Variants in DAGLB observed in about 807,000 individuals in gnomAD.
DAGLB encodes the protein diacylglycerol lipase beta, also known as diacylglycerol lipase-beta.
DAGLB carries 66 observed loss-of-function variants against 72.1 expected under a neutral mutation model. The ratio of observed to expected loss-of-function variants is 0.92; its 90% CI spans 0.75 to 1.12. The LOEUF (loss-of-function observed/expected upper bound fraction) is 1.12, where lower values mean the gene tolerates loss of function less well. Among genes scored for constraint, DAGLB ranks in the 50% most tolerant of loss-of-function variants. The probability of loss-of-function intolerance (pLI) is 0.00; values close to 1 mark genes in which losing one functional copy is unlikely to be tolerated. For missense variants in DAGLB, 1,065 were observed against 884.9 expected, an observed-to-expected ratio of 1.20 and a Z score of -2.58; for synonymous variants, 414 against 359.5, an observed-to-expected ratio of 1.15 and a Z score of -1.71.
intron 13 of DAGLB, 57 bp from the exon 14 acceptor site, chr7:6,410,437 C>T: frequency 6.5e-7 from 1 of 1,541,710 alleles, no homozygotes; most frequent in Non-Finnish European, 8.8e-7. Context: ...CACCCGAGAC[C>T]TCCCGAAACA....
At chr7:6,411,688 T>G (rs527759436) in intron 13 of DAGLB, among the ~76,000 whole-genome samples, 45 of 152,182 alleles carry the variant, frequency 3.0e-4, no homozygotes, top group African/African-American at 1.0e-3. Flanking sequence ...TTCTTTCTGA[T>G]TAGGAACAAA....
intron 9 of DAGLB, among the ~76,000 whole-genome samples, chr7:6,419,875 C>G (rs970961105): frequency 6.6e-6 from 1 of 152,148 alleles, no homozygotes; most frequent in Non-Finnish European, 1.5e-5. Context: ...GGCGTGGTGG[C>G]TCACGCCTGC....
chr7:6,423,003 C>A (rs528547655), intron 8 of DAGLB, among the ~76,000 whole-genome samples: 1 of 152,182 alleles, frequency 6.6e-6, no homozygotes, highest in Non-Finnish European at 1.5e-5. Context: ...GTGGACAGGA[C>A]AATGGACAGA....
At chr7:6,410,635 A>G (rs1020275792) in intron 13 of DAGLB, among the ~76,000 whole-genome samples, 3 of 152,190 alleles carry the variant, frequency 2.0e-5, no homozygotes, top group Non-Finnish European at 4.4e-5. Flanking sequence ...ACGTGGAGCA[A>G]TATTAAAAAC....
Position 6,446,076 on chromosome 7 carries a change from T to A in DAGLB, c.124A>T (p.Met42Leu), listed in dbSNP as rs775983676. Residue 42 changes from methionine (M) to leucine (L), a missense_variant, in exon 2 of 15, where the codon ATG (methionine) becomes TTG (leucine). By Grantham distance (15) the Met-to-Leu change is conservative. Transcript: ENST00000297056. ...WWIGILTLYLMHRGKLDCAGG... is the reference protein window; with the variant it reads ...WWIGILTLYLLHRGKLDCAGG... ...GCACAGTCCAGCTTTCCTCTGTGCA[T>A]GAGATACAACGTCAGAATGCCAATC... 6.3e-7 allele frequency: 1 copy of A among 1,599,538 alleles called. No individual in the cohort carries two copies. The highest frequency in any genetic ancestry group is 8.5e-7 in the Non-Finnish European group (1 of 1,175,740).
chr7:6,432,886 T>C lies in DAGLB; in HGVS notation c.752A>G (p.Asn251Ser). The C allele has an allele frequency of 3.1e-6, 5 of 1,613,982 alleles. No individual in the cohort carries two copies. The highest frequency in any genetic ancestry group is 4.2e-6 in the Non-Finnish European group (5 of 1,180,026). ...LLHQQQDNIR[N>S]NQEPAQVVCH... ...GACCACCTGGGCAGGCTCTTGGTTG[T>C]TCCTGATATTGTCCTGTTGCTGATG... Residue 251 changes from asparagine (N) to serine (S), a missense_variant, in exon 5 of 15, where the codon AAC becomes AGC. By Grantham distance (46) the Asn-to-Ser change is conservative. Transcript: ENST00000297056.
At chr7:6,418,006 G>T (rs1023097222) in intron 9 of DAGLB, among the ~76,000 whole-genome samples, 1 of 151,966 alleles carries the variant, frequency 6.6e-6, no homozygotes, top group Non-Finnish European at 1.5e-5. Flanking sequence ...GAGTAACTGG[G>T]ATTACAGGCA....
intron 3 of DAGLB, 135 bp from the exon 4 acceptor site, chr7:6,435,155 T>C: frequency 7.6e-7 from 1 of 1,324,174 alleles, no homozygotes; most frequent in Non-Finnish European, 1.0e-6. Context: ...GATGCAGCTC[T>C]CCTGGAACCT....
intron 2 of DAGLB, among the ~76,000 whole-genome samples, chr7:6,443,261 A>G (rs1352002374): frequency 6.7e-6 from 1 of 150,070 alleles, no homozygotes; most frequent in East Asian, 1.9e-4. Context: ...AAAAAAAAAA[A>G]AAAAAAAAAA....
intron 2 of DAGLB, among the ~76,000 whole-genome samples, chr7:6,442,630 T>G (rs1784869163): frequency 6.6e-6 from 1 of 152,208 alleles, no homozygotes; most frequent in Admixed American, 6.6e-5. Context: ...GAAGCCACAC[T>G]GTACACATGG....
intron 2 of DAGLB, among the ~76,000 whole-genome samples, chr7:6,439,701 A>G (rs958021760): frequency 6.6e-6 from 1 of 152,168 alleles, no homozygotes; most frequent in Admixed American, 6.6e-5. Context: ...ACCATCTCCA[A>G]TCAAACCTCC....
At chr7:6,419,751 C>T (rs1318904206) in intron 9 of DAGLB, among the ~76,000 whole-genome samples, 1 of 152,196 alleles carries the variant, frequency 6.6e-6, no homozygotes, top group Non-Finnish European at 1.5e-5. Flanking sequence ...TGGCCCCTGA[C>T]GGGTTTCTGG....
At chr7:6,413,853 C>T (rs564117525) in intron 11 of DAGLB, among the ~76,000 whole-genome samples, 92 of 152,208 alleles carry the variant, frequency 6.0e-4, no homozygotes, top group Non-Finnish European at 1.2e-3. Flanking sequence ...TCAGGACATG[C>T]GGTGAAAGTG....
rs749711559 is a variant in DAGLB at position 6,438,645 on chromosome 7, G to A, written c.248-2112C>T. Among the ~76,000 whole-genome samples, 11 of 152,148 alleles carry A rather than the reference G, an allele frequency of 7.2e-5. 1 individual carries two copies. The highest frequency in any genetic ancestry group is 1.3e-4 in the Non-Finnish European group (9 of 68,028). On this transcript the variant is annotated intron_variant, in intron 2 of 14. Transcript: ENST00000297056. ...CCTAATGTCAGCAGCACCTGGACTT[G>A]AAACTCCAACTGTGATGACAACTGC...
intron 2 of DAGLB, among the ~76,000 whole-genome samples, chr7:6,441,555 C>CT (rs1349093572): frequency 6.6e-6 from 1 of 150,598 alleles, no homozygotes; most frequent in Non-Finnish European, 1.5e-5. Context: ...GTAGGTGTGA[C>CT]TACAGGGGCC....
chr7:6,429,122 T>C (rs10259968), intron 6 of DAGLB, among the ~76,000 whole-genome samples: 1 of 152,024 alleles, frequency 6.6e-6, no homozygotes, highest in Non-Finnish European at 1.5e-5. Flanking sequence ...GATATTTAAA[T>C]GGTCTCAAGG....
intron 1 of DAGLB, 150 bp from the exon 2 acceptor site, chr7:6,446,254 G>C (rs1784996255): frequency 3.3e-6 from 2 of 611,028 alleles, no homozygotes; most frequent in Non-Finnish European, 5.0e-6. Context: ...GGATCACAAG[G>C]TCAGGAGATC....
At chr7:6,414,380 T>G (rs1219890933) in intron 11 of DAGLB, among the ~76,000 whole-genome samples, 2 of 151,146 alleles carry the variant, frequency 1.3e-5, no homozygotes, top group African/African-American at 4.9e-5. Flanking sequence ...TGGCACGATC[T>G]CGGCTCACGG....
intron 2 of DAGLB, 53 bp downstream of exon 2, chr7:6,445,900 T>C (rs189228592): frequency 4.7e-6 from 7 of 1,501,230 alleles, no homozygotes; most frequent in Non-Finnish European, 6.3e-6. Flanking sequence ...GTGAATTATA[T>C]CTCAATAAAG....
Sources: gnomAD v4.1 joint callset for allele counts (sites outside exome capture counted in the v4.1 genomes callset) on GRCh38, gnomAD v4.1.1 for gene constraint, MANE v1.5 for transcripts, NCBI Gene and HGNC (gene_info 2026-07-23, HGNC 2026-07-21) for gene names.